MARCHF1: variants seen among roughly 807,000 people sequenced by gnomAD.
MARCHF1 encodes E3 ubiquitin-protein ligase MARCHF1.
A neutral mutation model predicts 54.2 loss-of-function variants in MARCHF1; 40 were observed. That is an observed-to-expected ratio of 0.74 (90% CI 0.57 to 0.96). MARCHF1 has a LOEUF of 0.96. MARCHF1 is among the 40% of genes least tolerant of loss of function. The pLI is 0.00. For missense variants in MARCHF1, 586 were observed against 656.5 expected, an observed-to-expected ratio of 0.89 and a Z score of 1.17; for synonymous variants, 236 against 236.3, an observed-to-expected ratio of 1.00 and a Z score of 0.01.
At chr4:163,942,933 C>CAA (rs375426772) in intron 3 of MARCHF1, among the ~76,000 whole-genome samples, 1 of 139,840 alleles carries the variant, frequency 7.2e-6, no homozygotes, top group Non-Finnish European at 1.6e-5. Flanking sequence ...ACCTCTCTTC[C>CAA]AAAAAAAAAA....
chr4:164,011,452 C>A (rs1322317106), intron 2 of MARCHF1, among the ~76,000 whole-genome samples: 2 of 152,076 alleles, frequency 1.3e-5, no homozygotes, highest in East Asian at 3.8e-4. Context: ...AAAAACTGGG[C>A]AAAAGATCTG....
chr4:163,968,945 G>A (rs186967194), intron 3 of MARCHF1, among the ~76,000 whole-genome samples: 28 of 152,236 alleles, frequency 1.8e-4, no homozygotes, highest in African/African-American at 5.5e-4. Flanking sequence ...TGTAAAGCAG[G>A]GAGGAAAACA....
Position 164,219,588 on chromosome 4 carries a change from G to A in MARCHF1, c.-322-107926C>T, listed in dbSNP as rs577653298. Among the ~76,000 whole-genome samples, 25 of 151,768 alleles carry A rather than the reference G, an allele frequency of 1.6e-4. No homozygotes were observed. The South Asian group carries it at 4.8e-3, about 29-fold the overall frequency. On this transcript the variant is annotated intron_variant, in intron 1 of 9. Coordinates refer to ENST00000514618, the MANE Select transcript of MARCHF1 (RefSeq NM_001394959.1). ...AATATTTCAAACCAATCTCACTGATGAAATGTTAACACAAAGTAGAAGAGT... is the reference window on the plus strand; with the variant it reads ...AATATTTCAAACCAATCTCACTGATAAAATGTTAACACAAAGTAGAAGAGT...
At chr4:164,139,904 A>G (rs931599060) in intron 1 of MARCHF1, among the ~76,000 whole-genome samples, 2 of 152,120 alleles carry the variant, frequency 1.3e-5, no homozygotes, top group Non-Finnish European at 2.9e-5. Context: ...TTCAAATTTG[A>G]CTCATTCAAA....
At chr4:164,230,268 G>A (rs532510593) in intron 1 of MARCHF1, among the ~76,000 whole-genome samples, 19 of 151,790 alleles carry the variant, frequency 1.3e-4, no homozygotes, top group Non-Finnish European at 1.9e-4. Context: ...TAGTACATGC[G>A]CCCATAATCC....
chr4:164,351,330 C>A lies in MARCHF1; in HGVS notation c.-323+32540G>T, dbSNP rs1264004863. Among the ~76,000 whole-genome samples, 7 of 151,348 alleles carry A rather than the reference C, an allele frequency of 4.6e-5. No homozygotes were observed. The East Asian group carries it at 7.9e-4, about 17-fold the overall frequency. On this transcript the variant is annotated intron_variant, in intron 1 of 9. Coordinates refer to ENST00000514618, the MANE Select transcript of MARCHF1 (RefSeq NM_001394959.1). Reference sequence around the variant, plus strand: ...GGCAGGGCACAGTCAAACAAAAAGACAGCAGTAACCTCTGCAGACTTAAAT... The same window carrying A: ...GGCAGGGCACAGTCAAACAAAAAGAAAGCAGTAACCTCTGCAGACTTAAAT...
intron 4 of MARCHF1, among the ~76,000 whole-genome samples, chr4:163,805,564 T>G (rs1394395994): frequency 6.6e-6 from 1 of 152,078 alleles, no homozygotes; most frequent in Non-Finnish European, 1.5e-5. Flanking sequence ...AAATAACAAG[T>G]GCTAAATGTT....
chr4:163,779,732 G>A (rs1747409508), intron 4 of MARCHF1, among the ~76,000 whole-genome samples: 1 of 151,986 alleles, frequency 6.6e-6, no homozygotes, highest in African/African-American at 2.4e-5. Flanking sequence ...ATATTCTTGG[G>A]ATGTAGAAGA....
chr4:163,919,117 T>C (rs879265454), intron 3 of MARCHF1, among the ~76,000 whole-genome samples: 3 of 152,110 alleles, frequency 2.0e-5, no homozygotes, highest in South Asian at 2.1e-4. Flanking sequence ...CTTCTGAAGA[T>C]TGTAAGCAGG....
At chr4:163,837,320 A>C (rs941653377) in intron 4 of MARCHF1, among the ~76,000 whole-genome samples, 3 of 152,050 alleles carry the variant, frequency 2.0e-5, no homozygotes, top group Non-Finnish European at 4.4e-5. Flanking sequence ...CTGCAATACA[A>C]AAAAAAAGTA....
At chr4:164,275,292 T>C (rs187941190) in intron 1 of MARCHF1, among the ~76,000 whole-genome samples, 23 of 152,312 alleles carry the variant, frequency 1.5e-4, no homozygotes, top group Admixed American at 1.5e-3. Context: ...GTTTTCCTCG[T>C]CTGCGGCCAT....
chr4:163,791,123 G>A (rs1335765947), intron 4 of MARCHF1, among the ~76,000 whole-genome samples: 2 of 152,060 alleles, frequency 1.3e-5, no homozygotes, highest in Admixed American at 6.6e-5. Flanking sequence ...AAAATTTTAC[G>A]GTAGGAGAAC....
At chr4:163,957,275 T>C in intron 3 of MARCHF1, among the ~76,000 whole-genome samples, 1 of 152,060 alleles carries the variant, frequency 6.6e-6, no homozygotes, top group East Asian at 1.9e-4. Context: ...ATTCTGTGTA[T>C]GTGTGTAGTA....
At chr4:164,053,931 A>C (rs976597214) in intron 2 of MARCHF1, among the ~76,000 whole-genome samples, 6 of 152,164 alleles carry the variant, frequency 3.9e-5, no homozygotes, top group African/African-American at 1.2e-4. Flanking sequence ...AATGGGATCT[A>C]ATTAAACTAA....
At chr4:163,573,453 C>T (rs931876601) in intron 8 of MARCHF1, among the ~76,000 whole-genome samples, 5 of 98,958 alleles carry the variant, frequency 5.1e-5, no homozygotes, top group South Asian at 4.4e-4. Context: ...CCAGTGCTAT[C>T]CCTCCCCCCT....
chr4:163,671,735 G>A (rs189607816), intron 5 of MARCHF1, among the ~76,000 whole-genome samples: 1 of 152,050 alleles, frequency 6.6e-6, no homozygotes, highest in Non-Finnish European at 1.5e-5. Flanking sequence ...ACTCTGAATG[G>A]TATGTAATCA....
chr4:164,030,886 TATTGTTGGTGTATAGGAATGCTTGTG>T (rs753050158), intron 2 of MARCHF1, among the ~76,000 whole-genome samples: 3 of 152,178 alleles, frequency 2.0e-5, no homozygotes, highest in Non-Finnish European at 4.4e-5. Flanking sequence ...TCTGCTTGTC[TATTGTTGGTGTATAGGAATGCTTGTG>T]ATTTTTGCAC....
chr4:163,744,411 T>C (rs1161051313), intron 4 of MARCHF1, among the ~76,000 whole-genome samples: 4 of 152,232 alleles, frequency 2.6e-5, no homozygotes, highest in African/African-American at 7.2e-5. Context: ...TATCTCCTCA[T>C]GTCCTTGTCT....
At chr4:164,267,992 GA>G (rs201654694) in intron 1 of MARCHF1, among the ~76,000 whole-genome samples, 6 of 150,330 alleles carry the variant, frequency 4.0e-5, no homozygotes, top group East Asian at 2.0e-4. Flanking sequence ...TGCCAGGTAG[GA>G]AAAAAAAATC....
Sources: gnomAD v4.1 joint callset for allele counts (sites outside exome capture counted in the v4.1 genomes callset) on GRCh38, gnomAD v4.1.1 for gene constraint, MANE v1.5 for transcripts, NCBI Gene and HGNC (gene_info 2026-07-23, HGNC 2026-07-21) for gene names.